DNM3: variants seen among roughly 807,000 people sequenced by gnomAD.
DNM3 encodes dynamin 3, also known as dynamin-3.
A neutral mutation model predicts 101.6 loss-of-function variants in DNM3; 47 were observed. That is an observed-to-expected ratio of 0.46 (90% CI 0.37 to 0.59). The LOEUF (loss-of-function observed/expected upper bound fraction) is 0.59. Ranked by LOEUF, DNM3 falls within the 20% of genes least tolerant of loss-of-function variation. The pLI is 0.00. For missense variants in DNM3, 849 were observed against 1,085.7 expected, an observed-to-expected ratio of 0.78 and a Z score of 3.06; for synonymous variants, 385 against 387.9, an observed-to-expected ratio of 0.99 and a Z score of 0.09.
At chr1:171,903,323 CT>C in intron 1 of DNM3, among the ~76,000 whole-genome samples, 1 of 152,080 alleles carries the variant, frequency 6.6e-6, no homozygotes, top group Non-Finnish European at 1.5e-5. Flanking sequence ...GTGGCAAATA[CT>C]GTAACTTTAT....
At chr1:172,403,955 C>T (rs546357305) in intron 20 of DNM3, among the ~76,000 whole-genome samples, 1 of 152,240 alleles carries the variant, frequency 6.6e-6, no homozygotes, top group Non-Finnish European at 1.5e-5. Context: ...TAACAGTAAA[C>T]TTTAAATGTT....
chr1:172,049,989 G>A (rs1287520826), intron 10 of DNM3, among the ~76,000 whole-genome samples: 1 of 152,076 alleles, frequency 6.6e-6, no homozygotes, highest in African/African-American at 2.4e-5. Flanking sequence ...CCCTTCTCTA[G>A]AGCTCCTACT....
chr1:172,371,428 G>T (rs913116535), intron 17 of DNM3, among the ~76,000 whole-genome samples: 1 of 151,896 alleles, frequency 6.6e-6, no homozygotes, highest in Non-Finnish European at 1.5e-5. Flanking sequence ...ATTCAAGCTC[G>T]TATATATAAA....
chr1:171,889,247 G>A (rs1466445692), intron 1 of DNM3, among the ~76,000 whole-genome samples: 2 of 152,142 alleles, frequency 1.3e-5, no homozygotes, highest in Admixed American at 1.3e-4. Flanking sequence ...CCAAAGTTCT[G>A]AGATTACACG....
chr1:171,991,876 A>G (rs1009744096), intron 4 of DNM3, among the ~76,000 whole-genome samples: 1 of 152,206 alleles, frequency 6.6e-6, no homozygotes, highest in Admixed American at 6.5e-5. Flanking sequence ...CCGCAATATG[A>G]CAATCCAGAT....
rs757780877 is a variant in DNM3, at chr1:172,220,163, G to T, written c.1660-33410G>T. 3.3e-5 allele frequency among the ~76,000 whole-genome samples: 5 copies of T among 152,104 alleles called. No homozygotes were observed. The South Asian group carries it at 8.3e-4, about 25-fold the overall frequency. On this transcript the variant is annotated intron_variant, in intron 14 of 20. Transcript: ENST00000627582. ...TATGATGATGTCATTGAAGAGAAAG[G>T]GTTGTTTGCTTCCATACCCATTTTG... is the stretch of plus-strand genomic sequence containing the variant.
rs554155137 is a variant in DNM3 at position 171,958,828 on chromosome 1, C to T, written c.236-28828C>T. Among the ~76,000 whole-genome samples the T allele has an allele frequency of 2.5e-3, 377 of 152,234 alleles. 3 individuals carry two copies. Among genetic ancestry groups the T allele is most frequent in the African/African-American group, 8.4e-3 (350 of 41,538 alleles). The stretch of plus-strand genomic sequence containing the variant: ...TATCTTATATATCTTTTGTTACATT[C>T]GTTTCTAAGTACCACATAGTTTCTG... On this transcript the variant is annotated intron_variant, in intron 2 of 20. Transcript: ENST00000627582.
intron 14 of DNM3, chr1:172,137,602 T>C (rs1383326495): frequency 1.3e-5 from 2 of 152,096 alleles, no homozygotes; most frequent in African/African-American, 2.4e-5. Context: ...GAATGAAAAA[T>C]AGTTTGCTTT....
intron 20 of DNM3, among the ~76,000 whole-genome samples, chr1:172,390,550 G>T (rs1463648484): frequency 6.6e-6 from 1 of 152,152 alleles, no homozygotes; most frequent in African/African-American, 2.4e-5. Context: ...GTCCCCAGTT[G>T]TGACCACTAA....
intron 1 of DNM3, among the ~76,000 whole-genome samples, chr1:171,859,453 C>A (rs984392207): frequency 6.6e-6 from 1 of 152,058 alleles, no homozygotes; most frequent in Non-Finnish European, 1.5e-5. Context: ...ATTTGTTTAT[C>A]TTCACTTCTA....
intron 13 of DNM3, among the ~76,000 whole-genome samples, chr1:172,118,334 A>T (rs2056069492): frequency 6.6e-6 from 1 of 152,118 alleles, no homozygotes; most frequent in African/African-American, 2.4e-5. Context: ...GGGTAAATAA[A>T]TTTTTCTAGA....
At chr1:172,204,994 T>C (rs372554995) in intron 14 of DNM3, among the ~76,000 whole-genome samples, 58 of 152,272 alleles carry the variant, frequency 3.8e-4, no homozygotes, top group Middle Eastern at 6.8e-3. Flanking sequence ...TATTAAAATA[T>C]AATGGAAAAG....
chr1:171,991,510 G>C (rs1388653482), intron 4 of DNM3, among the ~76,000 whole-genome samples: 1 of 152,158 alleles, frequency 6.6e-6, no homozygotes, highest in East Asian at 1.9e-4. Flanking sequence ...TATGAGAAGC[G>C]ATGTGGAGCT....
chr1:172,186,269 C>T (rs920520709), intron 14 of DNM3, among the ~76,000 whole-genome samples: 5 of 151,898 alleles, frequency 3.3e-5, no homozygotes, highest in Non-Finnish European at 5.9e-5. Context: ...ATTTAAACGT[C>T]GGTTACAAAT....
chr1:172,058,495 C>G (rs2050845598), intron 10 of DNM3, among the ~76,000 whole-genome samples: 4 of 151,926 alleles, frequency 2.6e-5, no homozygotes, highest in Admixed American at 2.0e-4. Flanking sequence ...AACAAACTAT[C>G]TCTCAGACCA....
chr1:172,323,982 A>G (rs1473728847), intron 17 of DNM3, among the ~76,000 whole-genome samples: 1 of 152,186 alleles, frequency 6.6e-6, no homozygotes, highest in Non-Finnish European at 1.5e-5. Flanking sequence ...ACACACAGGA[A>G]TGGTGGAAAT....
At chr1:172,405,396 G>C (rs1360176639) in intron 20 of DNM3, among the ~76,000 whole-genome samples, 1 of 151,970 alleles carries the variant, frequency 6.6e-6, no homozygotes, top group Non-Finnish European at 1.5e-5. Context: ...TGAAGTCATA[G>C]GGGAAGGCAG....
intron 14 of DNM3, among the ~76,000 whole-genome samples, chr1:172,208,888 G>A (rs1572958471): frequency 1.3e-5 from 2 of 152,072 alleles, no homozygotes; most frequent in African/African-American, 4.8e-5. Context: ...GAAAGAGTGA[G>A]GACTAGGGAC....
At chr1:171,902,955 C>T (rs1409733263) in intron 1 of DNM3, among the ~76,000 whole-genome samples, 1 of 152,004 alleles carries the variant, frequency 6.6e-6, no homozygotes, top group African/African-American at 2.4e-5. Context: ...GAGTTCAAGA[C>T]CAGCCTGGGC....
Sources: gnomAD v4.1 joint callset for allele counts (sites outside exome capture counted in the v4.1 genomes callset) on GRCh38, gnomAD v4.1.1 for gene constraint, MANE v1.5 for transcripts, NCBI Gene and HGNC (gene_info 2026-07-23, HGNC 2026-07-21) for gene names.